The following SV2C variants were observed in gnomAD, a reference collection of about 807,000 sequenced individuals.
The protein encoded by SV2C is solute carrier family 22 member B3.
Under a neutral mutation model 79.7 loss-of-function variants are expected in SV2C, and 49 were observed. That is an observed-to-expected ratio of 0.61 (90% confidence interval 0.49 to 0.78). The LOEUF (loss-of-function observed/expected upper bound fraction) is 0.78, where lower values mean the gene tolerates loss of function less well. Ranked by LOEUF, SV2C falls within the 30% of genes least tolerant of loss-of-function variation. The probability of loss-of-function intolerance (pLI) is 0.00; values close to 1 mark genes in which losing one functional copy is unlikely to be tolerated. For missense variants in SV2C, 833 were observed against 912.9 expected (o/e 0.91, Z 1.13); for synonymous variants, 334 against 333.2 (o/e 1.00, Z -0.03).
chr5:76,265,340 C>T (rs1325437510), intron 4 of SV2C, among the ~76,000 whole-genome samples: 2 of 152,162 alleles, frequency 1.3e-5, no homozygotes, highest in African/African-American at 4.8e-5. Flanking sequence ...CTTCAGACAG[C>T]TGTGCTGGCA....
chr5:75,859,965 G>A, the SV2C span, among the ~76,000 whole-genome samples: 12 of 152,076 alleles, frequency 7.9e-5, no homozygotes, highest in African/African-American at 2.4e-4. Flanking sequence ...AGGTGGAGCC[G>A]AAGAGCTCTG....
At chr5:75,978,424 C>T in the SV2C span, among the ~76,000 whole-genome samples, 1 of 152,124 alleles carries the variant, frequency 6.6e-6, no homozygotes. Flanking sequence ...CCTCAAATAT[C>T]TTCTGTAGTC....
chr5:75,947,438 T>C, the SV2C span, among the ~76,000 whole-genome samples: 1 of 150,200 alleles, frequency 6.7e-6, no homozygotes, highest in Non-Finnish European at 1.5e-5. Context: ...ATTCCATCCC[T>C]TTCTATACTG....
At chr5:76,257,879 G>A (rs948945633) in intron 4 of SV2C, among the ~76,000 whole-genome samples, 1 of 149,840 alleles carries the variant, frequency 6.7e-6, no homozygotes, top group Non-Finnish European at 1.5e-5. Flanking sequence ...CAGTGTGTGG[G>A]GTTTGAACAT....
chr5:75,978,380 C>G, the SV2C span, among the ~76,000 whole-genome samples: 4 of 152,162 alleles, frequency 2.6e-5, no homozygotes, highest in Non-Finnish European at 5.9e-5. Context: ...TCTACATACT[C>G]TAACCACATA....
At chr5:76,209,411 A>G (rs943114937) in intron 3 of SV2C, among the ~76,000 whole-genome samples, 3 of 152,232 alleles carry the variant, frequency 2.0e-5, no homozygotes, top group Non-Finnish European at 4.4e-5. Context: ...GTAAGTTTTG[A>G]TAAATATCAC....
At chr5:75,920,581 G>T in the SV2C span, 1 of 515,600 alleles carries the variant, frequency 1.9e-6, no homozygotes. Flanking sequence ...TGGATCCTCT[G>T]ATAGTGCATG....
At chr5:76,022,491 A>G in the SV2C span, among the ~76,000 whole-genome samples, 122 of 152,312 alleles carry the variant, frequency 8.0e-4, 4 homozygotes, top group Non-Finnish European at 4.4e-4. Flanking sequence ...CAGCTAAAAT[A>G]TAATCCTCCC....
intron 2 of SV2C, among the ~76,000 whole-genome samples, chr5:76,152,744 G>A (rs984156220): frequency 2.0e-5 from 3 of 152,090 alleles, no homozygotes; most frequent in African/African-American, 7.2e-5. Flanking sequence ...TTGCCCTGTG[G>A]GTTTCTGCTG....
chr5:76,126,001 G>A (rs1245863174), intron 1 of SV2C, among the ~76,000 whole-genome samples: 1 of 152,168 alleles, frequency 6.6e-6, no homozygotes, highest in Non-Finnish European at 1.5e-5. Context: ...AGGCTGCAGT[G>A]AGTCATGATC....
At chr5:76,060,252 G>A in the SV2C span, among the ~76,000 whole-genome samples, 2 of 152,034 alleles carry the variant, frequency 1.3e-5, no homozygotes, top group African/African-American at 4.8e-5. Flanking sequence ...CTTGTCCTTT[G>A]AGCCAATCAT....
chr5:76,175,510 A>G (rs1181426021), intron 2 of SV2C, among the ~76,000 whole-genome samples: 1 of 152,212 alleles, frequency 6.6e-6, no homozygotes, highest in Non-Finnish European at 1.5e-5. Context: ...GTTAAAGTGC[A>G]GAGAGAAAAT....
At chr5:76,079,270 T>A, upstream of SV2C, 3 of 322,974 alleles carry the variant, frequency 9.3e-6, no homozygotes, top group South Asian at 1.2e-4. Flanking sequence ...GAGGCTGAGA[T>A]GGGGGCATAT....
At chr5:76,043,382 C>T in the SV2C span, among the ~76,000 whole-genome samples, 3 of 152,192 alleles carry the variant, frequency 2.0e-5, no homozygotes, top group Non-Finnish European at 2.9e-5. Context: ...TCTCACTCCT[C>T]ACTTGCTCTG....
At chr5:76,234,114 A>T (rs1001526882) in intron 4 of SV2C, among the ~76,000 whole-genome samples, 6 of 152,180 alleles carry the variant, frequency 3.9e-5, no homozygotes, top group African/African-American at 1.4e-4. Flanking sequence ...GCCATAATGT[A>T]TTTGAGCATA....
Position 76,094,912 on chromosome 5 carries a change from C to G in SV2C, c.-102+11400C>G, listed in dbSNP as rs558401129. Among the ~76,000 whole-genome samples, 4 of 152,100 alleles carry G rather than the reference C, an allele frequency of 2.6e-5. No homozygotes were observed. In the South Asian group the frequency reaches 8.3e-4, roughly 32 times the overall value. ...GTGGCTTGTCTTTTTATACTATTGA[C>G]AGTGTCTTTTGATGAAAAAGAGTTT... On this transcript the variant is annotated intron_variant, in intron 1 of 12. Coordinates refer to ENST00000502798, the MANE Select transcript of SV2C (RefSeq NM_014979.4).
intron 4 of SV2C, among the ~76,000 whole-genome samples, chr5:76,271,616 C>CTTTTTTTTTTTTTTTTTTTTT (rs34458409): frequency 2.1e-5 from 2 of 96,062 alleles, no homozygotes; most frequent in African/African-American, 3.9e-5. Context: ...AGCATGTGTT[C>CTTTTTTTTTTTTTTTTTTTTT]TTTTTTTTTT....
chr5:75,920,410 G>A, the SV2C span, among the ~76,000 whole-genome samples: 1 of 152,192 alleles, frequency 6.6e-6, no homozygotes, highest in Admixed American at 6.5e-5. Context: ...GCAGTTGCAT[G>A]GAGCTGCCTA....
At chr5:76,246,364 T>C (rs1745948308) in intron 4 of SV2C, among the ~76,000 whole-genome samples, 1 of 152,220 alleles carries the variant, frequency 6.6e-6, no homozygotes, top group African/African-American at 2.4e-5. Context: ...ATCGGTAACA[T>C]ATAAGTGATT....
Sources: gnomAD v4.1 joint callset for allele counts (sites outside exome capture counted in the v4.1 genomes callset) on GRCh38, gnomAD v4.1.1 for gene constraint, MANE v1.5 for transcripts, NCBI Gene and HGNC (gene_info 2026-07-23, HGNC 2026-07-21) for gene names.